The following CRTC1 variants were observed in gnomAD, a reference collection of about 807,000 sequenced individuals.
CRTC1 encodes CREB-regulated transcription coactivator 1.
In CRTC1, 18 loss-of-function variants were observed where a neutral mutation model predicts 66.1. The observed-to-expected ratio is 0.27, with a 90% CI of 0.19 to 0.40. CRTC1 has a LOEUF of 0.40. CRTC1 is among the 10% of genes least tolerant of loss of function. The probability of loss-of-function intolerance (pLI) is 1.00; values close to 1 mark genes in which losing one functional copy is unlikely to be tolerated. For missense variants in CRTC1, 669 were observed against 887.9 expected, an observed-to-expected ratio of 0.75 and a Z score of 3.13; for synonymous variants, 416 against 398.8, an observed-to-expected ratio of 1.04 and a Z score of -0.51.
At chr19:18,739,648 G>A (rs1431966037) in intron 1 of CRTC1, among the ~76,000 whole-genome samples, 2 of 152,228 alleles carry the variant, frequency 1.3e-5, no homozygotes, top group African/African-American at 4.8e-5. Flanking sequence ...ATGGTGGGGG[G>A]CAGGGGACTG....
At chr19:18,722,280 G>A (rs998363933) in intron 1 of CRTC1, among the ~76,000 whole-genome samples, 1 of 152,236 alleles carries the variant, frequency 6.6e-6, no homozygotes, top group Non-Finnish European at 1.5e-5. Context: ...CAGGCCACAG[G>A]CATGCCAGGT....
chr19:18,711,864 C>A (rs1301088700), intron 1 of CRTC1, among the ~76,000 whole-genome samples: 2 of 152,240 alleles, frequency 1.3e-5, no homozygotes, highest in African/African-American at 4.8e-5. Context: ...CCACCCACCC[C>A]CACACTGCCA....
intron 1 of CRTC1, among the ~76,000 whole-genome samples, chr19:18,740,252 T>TA (rs56087710): frequency 1.0e-3 from 140 of 139,948 alleles, no homozygotes; most frequent in East Asian, 2.5e-3. Context: ...GACTCCATCT[T>TA]AAAAAAAAAA....
chr19:18,758,328 C>A (rs2054537651), intron 6 of CRTC1, among the ~76,000 whole-genome samples: 1 of 150,756 alleles, frequency 6.6e-6, no homozygotes, highest in Non-Finnish European at 1.5e-5. Context: ...CCACTGCACT[C>A]CAGCCTGAGA....
chr19:18,765,385 C>T lies in CRTC1; in HGVS notation c.887-19C>T, dbSNP rs763078649. On this transcript the variant is annotated intron_variant, in intron 8 of 13. Coordinates refer to ENST00000321949, the MANE Select transcript of CRTC1 (RefSeq NM_015321.3). Reference sequence around the variant, plus strand: ...ATCAGTCTCACACCTGCTCTCCCTCCCTCCTACTTCCTCTCTAGGAATGAG... The same window carrying T: ...ATCAGTCTCACACCTGCTCTCCCTCTCTCCTACTTCCTCTCTAGGAATGAG... 6.2e-7 allele frequency: 1 copy of T among 1,602,050 alleles called. No homozygotes were observed. Among genetic ancestry groups the T allele is most frequent in the South Asian group, 1.1e-5 (1 of 89,614 alleles).
chr19:18,744,159 A>G (rs2054175409), intron 2 of CRTC1: 1 of 1,611,166 alleles, frequency 6.2e-7, no homozygotes, highest in African/African-American at 1.3e-5. Context: ...CTCTCTGGTA[A>G]ATGAGCCCCC....
intron 1 of CRTC1, among the ~76,000 whole-genome samples, chr19:18,704,592 ATCCCAGCTAC>A (rs368909785): frequency 2.2e-4 from 33 of 152,142 alleles, no homozygotes; most frequent in African/African-American, 7.7e-4. Context: ...GGCGCCTGTA[ATCCCAGCTAC>A]TCGGGATGCT....
chr19:18,694,298 CAAA>C (rs202211420), intron 1 of CRTC1, among the ~76,000 whole-genome samples: 49 of 91,288 alleles, frequency 5.4e-4, no homozygotes, highest in South Asian at 1.7e-3. Context: ...GACTCCATCT[CAAA>C]AAAAAAAAAA....
intron 6 of CRTC1, among the ~76,000 whole-genome samples, chr19:18,757,973 G>A (rs1290641253): frequency 2.0e-5 from 3 of 151,876 alleles, no homozygotes; most frequent in Non-Finnish European, 4.4e-5. Flanking sequence ...AGCCGAGATC[G>A]TGCCACTGCA....
At chr19:18,709,283 C>T (rs1395429792) in intron 1 of CRTC1, among the ~76,000 whole-genome samples, 1 of 152,178 alleles carries the variant, frequency 6.6e-6, no homozygotes, top group South Asian at 2.1e-4. Context: ...CACCTTTCCC[C>T]TCACCTGGCC....
At chr19:18,693,175 G>A (rs2052891683) in intron 1 of CRTC1, among the ~76,000 whole-genome samples, 1 of 151,660 alleles carries the variant, frequency 6.6e-6, no homozygotes, top group Non-Finnish European at 1.5e-5. Context: ...CAGATCACGA[G>A]GTCAAGAGAT....
rs773826724 is a variant in CRTC1 at position 18,777,909 on chromosome 19, A to G, written c.*527A>G. On this transcript the variant is annotated 3_prime_UTR_variant, in exon 14 of 14. Coordinates refer to ENST00000321949, the MANE Select transcript of CRTC1 (RefSeq NM_015321.3). This position sits in a 1 kb window ranked among gnomAD's most constrained non-coding sequence, Gnocchi z 5.5. Reference sequence around the variant, plus strand: ...CGCCGCCCCAGGGAGGAGGCGCCAGAGCGCGGGGCAGACGCAAAGTGAAAT... The same window carrying G: ...CGCCGCCCCAGGGAGGAGGCGCCAGGGCGCGGGGCAGACGCAAAGTGAAAT... 4 of 259,632 alleles carry G rather than the reference A, an allele frequency of 1.5e-5. No homozygotes were observed. The highest frequency in any genetic ancestry group is 2.2e-5 in the Non-Finnish European group (3 of 136,886). 16.1% of individuals were successfully genotyped at this position (259,632 alleles called of 1,614,324 possible). A position where few individuals can be genotyped will look rare whatever the true frequency, so the allele number is the denominator to read the frequency against.
chr19:18,717,591 C>T (rs1293826218), intron 1 of CRTC1, among the ~76,000 whole-genome samples: 2 of 152,154 alleles, frequency 1.3e-5, no homozygotes, highest in African/African-American at 2.4e-5. Flanking sequence ...GACACAGATG[C>T]GTGCAGCCAC....
intron 1 of CRTC1, among the ~76,000 whole-genome samples, chr19:18,711,706 C>T (rs766965139): frequency 7.2e-5 from 11 of 152,000 alleles, no homozygotes; most frequent in Non-Finnish European, 1.5e-4. Context: ...CGCCCATTCC[C>T]GGCTGCGTTG....
chr19:18,751,332 G>GGC (rs1436802096), intron 5 of CRTC1, among the ~76,000 whole-genome samples: 5 of 152,106 alleles, frequency 3.3e-5, no homozygotes, highest in Admixed American at 2.6e-4. Context: ...GACCAGCCTG[G>GGC]GCAACATAGT....
intron 1 of CRTC1, among the ~76,000 whole-genome samples, chr19:18,711,310 G>A (rs2053385800): frequency 6.6e-6 from 1 of 151,982 alleles, no homozygotes; most frequent in Non-Finnish European, 1.5e-5. Context: ...AGTGGGACGC[G>A]TTGGCCTTGG....
intron 12 of CRTC1, among the ~76,000 whole-genome samples, chr19:18,775,286 C>T (rs1027474766): frequency 9.2e-5 from 14 of 152,228 alleles, no homozygotes; most frequent in African/African-American, 3.4e-4. Flanking sequence ...GGGATGGGAC[C>T]GTGGCTGTGG....
At chr19:18,712,011 C>T (rs983507114) in intron 1 of CRTC1, among the ~76,000 whole-genome samples, 22 of 150,868 alleles carry the variant, frequency 1.5e-4, no homozygotes, top group African/African-American at 5.1e-4. Flanking sequence ...TGCAGTAGTT[C>T]TATCCCAGCA....
intron 1 of CRTC1, among the ~76,000 whole-genome samples, chr19:18,706,454 G>A (rs1359333285): frequency 1.3e-5 from 2 of 151,622 alleles, no homozygotes; most frequent in South Asian, 2.1e-4. Flanking sequence ...GATCCCCCCC[G>A]CCTTGGCCTC....
Sources: allele counts gnomAD v4.1 joint callset (sites outside exome capture counted in the v4.1 genomes callset), GRCh38; gene constraint gnomAD v4.1.1; non-coding constraint Gnocchi (gnomAD v3.1); transcripts MANE v1.5; gene names NCBI Gene and HGNC (gene_info 2026-07-23, HGNC 2026-07-21).